The following DGAT2L6 variants were observed in gnomAD, a reference collection of about 807,000 sequenced individuals.
The protein encoded by DGAT2L6 is diacylglycerol O-acyltransferase 2 like 6, also known as diacylglycerol O-acyltransferase 2-like protein 6.
Under a neutral mutation model 25.5 loss-of-function variants are expected in DGAT2L6, and 22 were observed. The observed-to-expected ratio is 0.86, with a 90% CI of 0.62 to 1.23. The LOEUF (loss-of-function observed/expected upper bound fraction) is 1.23. DGAT2L6 is among the 50% of genes most tolerant of loss of function. The pLI, the probability that DGAT2L6 is intolerant of heterozygous loss-of-function variation, is 0.00. For missense variants in DGAT2L6, 287 were observed against 253.2 expected, an observed-to-expected ratio of 1.13 and a Z score of -0.91; for synonymous variants, 100 against 94.7, an observed-to-expected ratio of 1.06 and a Z score of -0.32.
chrX:70,189,766 T>A lies in DGAT2L6; in HGVS notation c.86-9505T>A, dbSNP rs188616592. 3.9e-3 allele frequency among the ~76,000 whole-genome samples: 439 copies of A among 112,284 alleles called. 1 individual carries two copies. Among genetic ancestry groups the A allele is most frequent in the African/African-American group, 0.014 (427 of 31,023 alleles). On this transcript the variant is annotated intron_variant, in intron 1 of 6. Transcript: ENST00000333026. ...TGATGTATTCTCAAATACAAACATA[T>A]ATGTATATACTTACATTTTTACATT...
chrX:70,181,757 T>C (rs1324431967), intron 1 of DGAT2L6, among the ~76,000 whole-genome samples: 1 of 111,708 alleles, frequency 9.0e-6, no homozygotes, highest in Non-Finnish European at 1.9e-5. Context: ...GACAAAGTGA[T>C]ATTAGGGTAT....
intron 1 of DGAT2L6, among the ~76,000 whole-genome samples, chrX:70,194,005 T>C (rs1223925777): frequency 8.9e-6 from 1 of 111,888 alleles, no homozygotes; most frequent in Non-Finnish European, 1.9e-5. Context: ...CCCTAAAGCC[T>C]CCACCAAAAA....
chrX:70,195,948 C>CA (rs1740375775), intron 1 of DGAT2L6, among the ~76,000 whole-genome samples: 1 of 111,056 alleles, frequency 9.0e-6, no homozygotes, highest in African/African-American at 3.3e-5. Context: ...TAAGTATCCT[C>CA]ACCTCTAGCC....
intron 1 of DGAT2L6, among the ~76,000 whole-genome samples, chrX:70,180,424 G>A (rs753553686): frequency 9.1e-6 from 1 of 109,914 alleles, no homozygotes; most frequent in African/African-American, 3.3e-5. Context: ...ACTCCAGCCT[G>A]GTGACAGAGC....
chrX:70,202,580 C>G (rs766655055), intron 5 of DGAT2L6, among the ~76,000 whole-genome samples: 2 of 112,184 alleles, frequency 1.8e-5, no homozygotes, highest in Non-Finnish European at 3.8e-5. Context: ...TGCAAACTCA[C>G]AGTCCAATAT....
At chrX:70,198,559 T>C (rs2085399218) in intron 1 of DGAT2L6, among the ~76,000 whole-genome samples, 1 of 110,973 alleles carries the variant, frequency 9.0e-6, no homozygotes, top group African/African-American at 3.3e-5. Flanking sequence ...TTTTGTTTTT[T>C]CAAGACGGAG....
chrX:70,187,148 G>A (rs2085362119), intron 1 of DGAT2L6, among the ~76,000 whole-genome samples: 1 of 109,706 alleles, frequency 9.1e-6, no homozygotes, highest in African/African-American at 3.4e-5. Flanking sequence ...GACAGAGGCA[G>A]GAAGACGGAT....
Position 70,199,823 on chromosome X carries a change from T to A in DGAT2L6, c.208T>A (p.Ser70Thr). Residue 70 changes from serine (S) to threonine (T), a missense_variant, in exon 3 of 7, where the codon TCA (serine) becomes ACA (threonine). Ser to Thr is a moderately conservative substitution (Grantham distance 58). Transcript: ENST00000333026. ...TTCTGTACCCACAGGTGGCAGGCGT[T>A]CAGCTTGGGTACGAAACTGGACCCT... The part of the protein sequence containing the change: ...WNTHSQGGRR[S>T]AWVRNWTLWK... The A allele has an allele frequency of 1.7e-6, 2 of 1,211,051 alleles. No homozygotes were observed. Among genetic ancestry groups the A allele is most frequent in the Non-Finnish European group, 2.2e-6 (2 of 895,180 alleles).
chrX:70,184,441 G>A (rs747456383), intron 1 of DGAT2L6, among the ~76,000 whole-genome samples: 27 of 109,464 alleles, frequency 2.5e-4, no homozygotes, highest in Non-Finnish European at 4.4e-4. Flanking sequence ...GCAGATACAG[G>A]CTTTTTCTTT....
intron 1 of DGAT2L6, among the ~76,000 whole-genome samples, chrX:70,179,562 C>CTTTTTTTT (rs3084451): frequency 3.1e-5 from 2 of 64,233 alleles, no homozygotes; most frequent in African/African-American, 1.5e-4. Flanking sequence ...TCTGAGGCAG[C>CTTTTTTTT]TTTTTTTTTT....
At chrX:70,204,916 G>T (rs780578246) in intron 6 of DGAT2L6, 36 bp from the exon 7 acceptor site, 1 of 1,143,619 alleles carries the variant, frequency 8.7e-7, no homozygotes, top group African/African-American at 1.8e-5. Context: ...AGTTGAGGGG[G>T]GAACTCTGAT....
intron 1 of DGAT2L6, among the ~76,000 whole-genome samples, chrX:70,180,406 G>A (rs921808104): frequency 7.3e-5 from 8 of 110,078 alleles, no homozygotes; most frequent in South Asian, 7.9e-4. Context: ...CCAAGATTGC[G>A]CCACTGCACT....
At chrX:70,201,717 A>G (rs1480861735) in intron 4 of DGAT2L6, among the ~76,000 whole-genome samples, 173 bp from the exon 5 acceptor site, 1 of 111,172 alleles carries the variant, frequency 9.0e-6, no homozygotes. Context: ...CCTAAGGACC[A>G]ATCTTAGGCT....
chrX:70,195,464 T>TCACACACACACACA (rs1256082724), intron 1 of DGAT2L6, among the ~76,000 whole-genome samples: 5 of 103,587 alleles, frequency 4.8e-5, no homozygotes, highest in South Asian at 4.6e-4. Flanking sequence ...AAAGAAAGTG[T>TCACACACACACACA]CACACACACA....
intron 4 of DGAT2L6, among the ~76,000 whole-genome samples, chrX:70,201,070 T>G (rs760772987): frequency 8.9e-6 from 1 of 112,055 alleles, no homozygotes; most frequent in South Asian, 3.8e-4. Context: ...AATGTCTCTC[T>G]CTCTGGACAA....
chrX:70,197,227 T>G (rs2085394974), intron 1 of DGAT2L6, among the ~76,000 whole-genome samples: 1 of 112,109 alleles, frequency 8.9e-6, no homozygotes, highest in Admixed American at 9.5e-5. Context: ...TACCCTTGCT[T>G]TATGTCACGG....
At chrX:70,179,716 T>C (rs2085337478) in intron 1 of DGAT2L6, among the ~76,000 whole-genome samples, 1 of 108,453 alleles carries the variant, frequency 9.2e-6, no homozygotes, top group African/African-American at 3.4e-5. Context: ...TACAGGTGTG[T>C]GCCACCACGC....
chrX:70,200,548 A>G (rs1307185746), intron 4 of DGAT2L6, 89 bp downstream of exon 4: 2 of 854,677 alleles, frequency 2.3e-6, no homozygotes, highest in Non-Finnish European at 3.3e-6. Context: ...CTGCTTGAAG[A>G]GTACATGATA....
intron 5 of DGAT2L6, among the ~76,000 whole-genome samples, chrX:70,202,551 G>C (rs1414531836): frequency 1.8e-5 from 2 of 112,157 alleles, no homozygotes; most frequent in Non-Finnish European, 3.8e-5. Flanking sequence ...GGATATAAAA[G>C]TAAATAAGAC....
Sources: gnomAD v4.1 joint callset for allele counts (sites outside exome capture counted in the v4.1 genomes callset) on GRCh38, gnomAD v4.1.1 for gene constraint, MANE v1.5 for transcripts, NCBI Gene and HGNC (gene_info 2026-07-23, HGNC 2026-07-21) for gene names.